CRB1: variants seen among roughly 807,000 people sequenced by gnomAD.
CRB1 encodes crumbs cell polarity complex component 1.
In CRB1, 83 loss-of-function variants were observed where a neutral mutation model predicts 120.0. The observed-to-expected ratio is 0.69, with a 90% CI of 0.58 to 0.83. The LOEUF (loss-of-function observed/expected upper bound fraction) is 0.83, where lower values mean the gene tolerates loss of function less well. Ranked by LOEUF, CRB1 falls within the 40% of genes least tolerant of loss-of-function variation. The pLI is 0.00. For missense variants in CRB1, 1,699 were observed against 1,687.6 expected, an observed-to-expected ratio of 1.01 and a Z score of -0.12; for synonymous variants, 625 against 612.5, an observed-to-expected ratio of 1.02 and a Z score of -0.30.
At chr1:197,325,977 C>G (rs1191688508) in intron 1 of CRB1, among the ~76,000 whole-genome samples, 3 of 151,700 alleles carry the variant, frequency 2.0e-5, no homozygotes. Flanking sequence ...AATTAGAGAG[C>G]TAGGGAGAGA....
At chr1:197,446,933 G>A (rs565542660) in intron 11 of CRB1, among the ~76,000 whole-genome samples, 1 of 152,236 alleles carries the variant, frequency 6.6e-6, no homozygotes, top group South Asian at 2.1e-4. Flanking sequence ...ATATCAGGGT[G>A]TATATATTTG....
chr1:197,446,145 A>C (rs1186533091), intron 11 of CRB1, among the ~76,000 whole-genome samples: 1 of 151,860 alleles, frequency 6.6e-6, no homozygotes, highest in Non-Finnish European at 1.5e-5. Flanking sequence ...AGCTGAGATC[A>C]CACCATTACA....
intron 2 of CRB1, among the ~76,000 whole-genome samples, chr1:197,331,380 A>G (rs1340743922): frequency 6.6e-6 from 1 of 152,194 alleles, no homozygotes; most frequent in Non-Finnish European, 1.5e-5. Flanking sequence ...GCTTATGTCA[A>G]ATGGAAAATT....
chr1:197,290,500 C>A lies in CRB1; in HGVS notation c.70+22018C>A, dbSNP rs561150878. Among the ~76,000 whole-genome samples the A allele has an allele frequency of 2.6e-5, 4 of 151,572 alleles. No homozygotes were observed. In the South Asian group the frequency reaches 6.2e-4, roughly 24 times the overall value. On this transcript the variant is annotated intron_variant, in intron 1 of 11. Transcript: ENST00000367400. ...TCCCTGAACAGCTCAGTTTCACATC[C>A]CCCCAGCTCCTTTCCATGACCATTA...
rs116892260 is a variant in CRB1 at position 197,334,728 on chromosome 1, A to T, written c.652+5725A>T. Among the ~76,000 whole-genome samples the T allele has an allele frequency of 6.1e-4, 93 of 152,334 alleles. No individual in the cohort carries two copies. The East Asian group carries it at 0.017, about 27-fold the overall frequency. On this transcript the variant is annotated intron_variant, in intron 2 of 11. Coordinates refer to ENST00000367400, the MANE Select transcript of CRB1 (RefSeq NM_201253.3). ...ACCAGCACCAGATGGACTATAAGAC[A>T]CATGATATGGATTTTTTAAATATTT...
At chr1:197,204,092 A>G in the CRB1 span, among the ~76,000 whole-genome samples, 1 of 152,222 alleles carries the variant, frequency 6.6e-6, no homozygotes, top group South Asian at 2.1e-4. Flanking sequence ...AATAGTCTCC[A>G]ATCCATGTTG....
chr1:197,347,572 A>G lies in CRB1; in HGVS notation c.988+93A>G, dbSNP rs879051287. On this transcript the variant is annotated intron_variant, in intron 4 of 11. Coordinates refer to ENST00000367400, the MANE Select transcript of CRB1 (RefSeq NM_201253.3). ...AATGAAATGAAAAATTATTGTTGTTAAATGTTTTAAATCAATTTCTTCTAG... is the reference window on the plus strand; with the variant it reads ...AATGAAATGAAAAATTATTGTTGTTGAATGTTTTAAATCAATTTCTTCTAG... 4.6e-6 allele frequency: 6 copies of G among 1,305,966 alleles called. No homozygotes were observed. In the South Asian group the frequency reaches 7.6e-5, roughly 17 times the overall value. The allele number at this position is 1,305,966 out of a possible 1,614,324, so 80.9% of individuals were successfully genotyped here.
chr1:197,398,892 T>TTGTGTGTGTGTG (rs140149936), intron 5 of CRB1, among the ~76,000 whole-genome samples: 44 of 136,394 alleles, frequency 3.2e-4, no homozygotes, highest in East Asian at 6.5e-4. Context: ...CAGGAAATGA[T>TTGTGTGTGTGTG]TGTGTGTGTG....
At chr1:197,395,032 A>G (rs1445629052) in intron 5 of CRB1, among the ~76,000 whole-genome samples, 1 of 152,100 alleles carries the variant, frequency 6.6e-6, no homozygotes, top group East Asian at 1.9e-4. Context: ...ACCCTGGGGT[A>G]TTGTTACTGC....
the CRB1 span, among the ~76,000 whole-genome samples, chr1:197,211,871 T>C: frequency 3.3e-5 from 5 of 151,974 alleles, no homozygotes; most frequent in Non-Finnish European, 7.4e-5. Flanking sequence ...GTGAAAGACA[T>C]TTGGCAAGCA....
At chr1:197,294,371 A>G (rs1279482660) in intron 1 of CRB1, among the ~76,000 whole-genome samples, 1 of 152,194 alleles carries the variant, frequency 6.6e-6, no homozygotes, top group Non-Finnish European at 1.5e-5. Context: ...ATGAGATACC[A>G]TCTCACACCA....
At chr1:197,432,290 TAA>T (rs1181965293) in intron 8 of CRB1, among the ~76,000 whole-genome samples, 1 of 151,642 alleles carries the variant, frequency 6.6e-6, no homozygotes, top group East Asian at 1.9e-4. Flanking sequence ...AACATTTACT[TAA>T]AAACATGTAA....
At chr1:197,452,509 A>G (rs1666021220) in intron 11 of CRB1, among the ~76,000 whole-genome samples, 2 of 152,310 alleles carry the variant, frequency 1.3e-5, no homozygotes, top group East Asian at 1.9e-4. Context: ...GAAAGCATGT[A>G]TGAGATGAAG....
At chr1:197,207,121 T>C in the CRB1 span, among the ~76,000 whole-genome samples, 3 of 151,928 alleles carry the variant, frequency 2.0e-5, no homozygotes, top group Admixed American at 2.0e-4. Flanking sequence ...ATATGTTGAG[T>C]CTCTTGAAGA....
chr1:197,426,655 G>A (rs1264687484), intron 6 of CRB1, among the ~76,000 whole-genome samples: 1 of 152,104 alleles, frequency 6.6e-6, no homozygotes, highest in African/African-American at 2.4e-5. Flanking sequence ...CACAGGAAAT[G>A]CAGGGTGGGT....
intron 1 of CRB1, among the ~76,000 whole-genome samples, chr1:197,302,891 A>G (rs1656950289): frequency 6.6e-6 from 1 of 152,160 alleles, no homozygotes; most frequent in South Asian, 2.1e-4. Context: ...AACTGAAGGG[A>G]AGTAAGAAGG....
At chr1:197,249,345 A>G in the CRB1 span, among the ~76,000 whole-genome samples, 1 of 151,938 alleles carries the variant, frequency 6.6e-6, no homozygotes, top group Non-Finnish European at 1.5e-5. Flanking sequence ...ATAATCTTGT[A>G]CAAAGAACAT....
At chr1:197,472,743 T>G (rs776364907) in intron 11 of CRB1, among the ~76,000 whole-genome samples, 1 of 152,124 alleles carries the variant, frequency 6.6e-6, no homozygotes, top group Non-Finnish European at 1.5e-5. Flanking sequence ...TGCACACCCT[T>G]CCACCAGCGC....
chr1:197,422,575 G>T (rs1204515336), intron 6 of CRB1, among the ~76,000 whole-genome samples: 2 of 151,538 alleles, frequency 1.3e-5, no homozygotes, highest in Non-Finnish European at 2.9e-5. Context: ...AATGTGGAAA[G>T]TAACAATAGT....
Sources: gnomAD v4.1 joint callset for allele counts (sites outside exome capture counted in the v4.1 genomes callset) on GRCh38, gnomAD v4.1.1 for gene constraint, MANE v1.5 for transcripts, NCBI Gene and HGNC (gene_info 2026-07-23, HGNC 2026-07-21) for gene names.